The following DENND1A variants were observed in gnomAD, a reference collection of about 807,000 sequenced individuals.
The protein encoded by DENND1A is DENN domain containing 1A.
DENND1A carries 51 observed loss-of-function variants against 113.7 expected under a neutral mutation model. The ratio of observed to expected loss-of-function variants is 0.45; its 90% CI spans 0.36 to 0.57. The LOEUF (loss-of-function observed/expected upper bound fraction) is 0.57, where lower values mean the gene tolerates loss of function less well. DENND1A is among the 20% of genes least tolerant of loss of function. The pLI is 0.00. For missense variants in DENND1A, 1,258 were observed against 1,395.9 expected (o/e 0.90, Z 1.57); for synonymous variants, 565 against 570.8 (o/e 0.99, Z 0.14).
chr9:123,553,439 G>T (rs899689851), intron 13 of DENND1A, among the ~76,000 whole-genome samples: 1 of 143,140 alleles, frequency 7.0e-6, no homozygotes, highest in Non-Finnish European at 1.5e-5. Context: ...ATTCTGATCC[G>T]CGGCCAGGGT....
chr9:123,613,294 G>A (rs2060498812), intron 10 of DENND1A, among the ~76,000 whole-genome samples: 1 of 151,590 alleles, frequency 6.6e-6, no homozygotes, highest in Admixed American at 6.6e-5. Flanking sequence ...TATCACTCTT[G>A]AGCATACATT....
chr9:123,785,108 G>C (rs1020789447), intron 3 of DENND1A, among the ~76,000 whole-genome samples: 1 of 152,078 alleles, frequency 6.6e-6, no homozygotes, highest in Non-Finnish European at 1.5e-5. Flanking sequence ...GGGAGGCTGA[G>C]GGAAGAGGAT....
At chr9:123,607,486 GAGAC>G (rs2060208439) in intron 11 of DENND1A, among the ~76,000 whole-genome samples, 1 of 86,378 alleles carries the variant, frequency 1.2e-5, no homozygotes, top group Non-Finnish European at 2.3e-5. Context: ...CACAGAGAGA[GAGAC>G]ACACACACAC....
intron 2 of DENND1A, among the ~76,000 whole-genome samples, chr9:123,860,883 C>T (rs572604130): frequency 5.6e-4 from 85 of 152,230 alleles, no homozygotes; most frequent in Non-Finnish European, 1.0e-3. Flanking sequence ...GCTATCTTTT[C>T]GTAATTAATG....
At chr9:123,584,610 C>G (rs1176873998) in intron 11 of DENND1A, among the ~76,000 whole-genome samples, 3 of 152,204 alleles carry the variant, frequency 2.0e-5, no homozygotes, top group African/African-American at 7.2e-5. Flanking sequence ...GTGCTTTACT[C>G]ACCTTATTTC....
chr9:123,499,905 G>A (rs1282530137), intron 13 of DENND1A, among the ~76,000 whole-genome samples: 1 of 152,166 alleles, frequency 6.6e-6, no homozygotes. Context: ...CTCTCTGTAC[G>A]CTTGGCACCC....
chr9:123,575,224 C>G (rs917327175), intron 12 of DENND1A, among the ~76,000 whole-genome samples: 1 of 152,170 alleles, frequency 6.6e-6, no homozygotes, highest in Non-Finnish European at 1.5e-5. Flanking sequence ...GCATTAGATT[C>G]TCATAAGGAG....
chr9:123,675,098 T>C (rs2063992462), intron 6 of DENND1A, among the ~76,000 whole-genome samples: 1 of 152,198 alleles, frequency 6.6e-6, no homozygotes, highest in Admixed American at 6.5e-5. Context: ...CATCTAAGCT[T>C]CTTTTCACAG....
At chr9:123,843,259 CA>C (rs1842087698) in intron 2 of DENND1A, 1 of 475,440 alleles carries the variant, frequency 2.1e-6, no homozygotes, top group Non-Finnish European at 4.2e-6. Context: ...CATTATCACA[CA>C]AGGTAACTTG....
chr9:123,857,856 G>A (rs1299455997), intron 2 of DENND1A, among the ~76,000 whole-genome samples: 1 of 151,970 alleles, frequency 6.6e-6, no homozygotes, highest in Non-Finnish European at 1.5e-5. Context: ...TCAGGAGATC[G>A]AGACCATCCT....
At chr9:123,864,914 T>C (rs1292104059) in intron 2 of DENND1A, among the ~76,000 whole-genome samples, 1 of 152,178 alleles carries the variant, frequency 6.6e-6, no homozygotes, top group Non-Finnish European at 1.5e-5. Context: ...CTGTTCTAGG[T>C]GCTGGGGACA....
intron 19 of DENND1A, among the ~76,000 whole-genome samples, chr9:123,419,432 C>G (rs1378161679): frequency 2.0e-5 from 3 of 152,246 alleles, no homozygotes; most frequent in Admixed American, 6.5e-5. Context: ...GGCACATGCC[C>G]CAGTCAAATA....
chr9:123,745,229 C>T (rs978958011), intron 5 of DENND1A, among the ~76,000 whole-genome samples: 5 of 152,152 alleles, frequency 3.3e-5, no homozygotes, highest in African/African-American at 9.7e-5. Flanking sequence ...TATGCCATGC[C>T]ACCGTGTAAC....
Position 123,381,471 on chromosome 9 carries a change from C to T in DENND1A, c.3174G>A (p.Ser1058=), listed in dbSNP as rs142598714. 35 of 1,613,490 alleles carry T rather than the reference C, an allele frequency of 2.2e-5. No homozygotes were observed. The Admixed American group carries it at 4.0e-4, about 18-fold the overall frequency. The change falls in exon 24 of 24, where the codon TCG becomes TCA. Residue 1058 remains serine, a synonymous_variant. Coordinates refer to ENST00000394215, the MANE Select transcript of DENND1A (RefSeq NM_001352964.2). The surrounding 1 kb of genome is among the most constrained non-coding windows in gnomAD (Gnocchi z 4.7). ...PSPALAPAPD[S]VEQLRKQWET... is the part of the protein sequence containing the mutation. ...CCCACTGCTTCCTGAGCTGCTCCAC[C>T]GAGTCTGGGGCCGGGGCCAGGGCCG...
chr9:123,625,169 T>TA (rs1210704282), intron 10 of DENND1A, among the ~76,000 whole-genome samples: 2 of 152,204 alleles, frequency 1.3e-5, no homozygotes, highest in African/African-American at 2.4e-5. Flanking sequence ...TCATAGAGTA[T>TA]AATACATAAC....
At chr9:123,726,911 A>T (rs1589826182) in intron 5 of DENND1A, among the ~76,000 whole-genome samples, 1 of 152,062 alleles carries the variant, frequency 6.6e-6, no homozygotes, top group East Asian at 1.9e-4. Flanking sequence ...CTCCAATTTT[A>T]TTGTCATGGG....
At chr9:123,780,014 C>T (rs1831055949) in intron 3 of DENND1A, among the ~76,000 whole-genome samples, 1 of 151,934 alleles carries the variant, frequency 6.6e-6, no homozygotes, top group Non-Finnish European at 1.5e-5. Flanking sequence ...CCCACCACGC[C>T]AGCTAATTTT....
At chr9:123,590,070 C>T (rs1210844661) in intron 11 of DENND1A, among the ~76,000 whole-genome samples, 1 of 152,174 alleles carries the variant, frequency 6.6e-6, no homozygotes, top group Non-Finnish European at 1.5e-5. Context: ...CAGAATAGCC[C>T]TAACAGGCAC....
intron 8 of DENND1A, among the ~76,000 whole-genome samples, chr9:123,661,779 G>A (rs2063248445): frequency 6.6e-6 from 1 of 152,182 alleles, no homozygotes; most frequent in Admixed American, 6.5e-5. Context: ...ACAGATGAGT[G>A]AAAATATTAA....
Sources: gnomAD v4.1 joint callset for allele counts (sites outside exome capture counted in the v4.1 genomes callset) on GRCh38, gnomAD v4.1.1 for gene constraint, Gnocchi (gnomAD v3.1) non-coding constraint, MANE v1.5 for transcripts, NCBI Gene and HGNC (gene_info 2026-07-23, HGNC 2026-07-21) for gene names.